PRKAG2: variants seen among roughly 807,000 people sequenced by gnomAD.
PRKAG2 encodes protein kinase AMP-activated non-catalytic subunit gamma 2, also known as 5'-AMP-activated protein kinase subunit gamma-2.
In PRKAG2, 26 loss-of-function variants were observed where a neutral mutation model predicts 69.6. That is an observed-to-expected ratio of 0.37 (90% CI 0.27 to 0.52). The LOEUF is 0.52. Among genes scored for constraint, PRKAG2 ranks in the 20% least tolerant of loss-of-function variants. The pLI, the probability that PRKAG2 is intolerant of heterozygous loss-of-function variation, is 0.90. For synonymous variants in PRKAG2, 293 were observed against 285.0 expected, an observed-to-expected ratio of 1.03 and a Z score of -0.28; for missense variants, 557 against 740.0, an observed-to-expected ratio of 0.75 and a Z score of 2.87.
rs1554501993 is a variant in PRKAG2 at position 151,624,180 on chromosome 7, A to AT, written c.754+7888dup. ...TGTGTGTGTGTGTACATATATATATATTTTTTTTTTCAGATAAGGTCTTGC... is the reference window on the plus strand; with the variant it reads ...TGTGTGTGTGTGTACATATATATATATTTTTTTTTTTCAGATAAGGTCTTGC... On this transcript the variant is annotated intron_variant, in intron 5 of 15. Transcript: ENST00000287878. Among the ~76,000 whole-genome samples the AT allele has an allele frequency of 3.5e-3, 459 of 129,882 alleles. 3 individuals carry two copies. Among genetic ancestry groups the AT allele is most frequent in the African/African-American group, 0.014 (439 of 31,550 alleles). The allele number at this position is 129,882 out of a possible 152,430, so 85.2% of individuals were successfully genotyped here. A position where few individuals can be genotyped will look rare whatever the true frequency, so the allele number is the denominator to read the frequency against.
At chr7:151,741,960 TGG>T (rs2073925089) in intron 3 of PRKAG2, among the ~76,000 whole-genome samples, 1 of 152,218 alleles carries the variant, frequency 6.6e-6, no homozygotes, top group Non-Finnish European at 1.5e-5. Flanking sequence ...ATATGCCAGC[TGG>T]GGTGCTGGTC....
intron 3 of PRKAG2, among the ~76,000 whole-genome samples, chr7:151,693,100 C>G (rs368697429): frequency 1.3e-5 from 2 of 152,252 alleles, no homozygotes; most frequent in African/African-American, 4.8e-5. Context: ...TTCCACCAGA[C>G]TCAGTCACCC....
intron 3 of PRKAG2, among the ~76,000 whole-genome samples, chr7:151,755,074 T>C (rs2074990462): frequency 6.6e-6 from 1 of 152,094 alleles, no homozygotes; most frequent in Non-Finnish European, 1.5e-5. Flanking sequence ...GAAGCCCGGA[T>C]GCCCCTTCAG....
At chr7:151,859,871 C>T (rs2079874183) in intron 1 of PRKAG2, among the ~76,000 whole-genome samples, 1 of 152,208 alleles carries the variant, frequency 6.6e-6, no homozygotes. Flanking sequence ...CAGTAGTCAT[C>T]TCAGGGTATC....
chr7:151,565,392 GA>G lies in PRKAG2; in HGVS notation c.1400-10del. 1 of 1,347,826 alleles carries G rather than the reference GA, an allele frequency of 7.4e-7. No individual in the cohort carries two copies. The highest frequency in any genetic ancestry group is 1.0e-6 in the Non-Finnish European group (1 of 967,110). The allele number at this position is 1,347,826 out of a possible 1,614,324, so 83.5% of individuals were successfully genotyped here. ...AATATCTACAACTTTTCCTAAAAAT[GA>G]AAAATATATGTTAGAAAAATGTCTT... is the stretch of plus-strand genomic sequence containing the variant. On this transcript the variant is annotated splice_polypyrimidine_tract_variant and intron_variant, in intron 12 of 15. Coordinates refer to ENST00000287878, the MANE Select transcript of PRKAG2 (RefSeq NM_016203.4).
At chr7:151,858,557 A>C (rs563984158) in intron 1 of PRKAG2, among the ~76,000 whole-genome samples, 5 of 152,096 alleles carry the variant, frequency 3.3e-5, no homozygotes, top group East Asian at 1.9e-4. Flanking sequence ...TCACCTGCCC[A>C]CACACACACA....
intron 5 of PRKAG2, among the ~76,000 whole-genome samples, chr7:151,623,995 TGCTA>T (rs1188897424): frequency 1.3e-5 from 2 of 152,242 alleles, no homozygotes; most frequent in Non-Finnish European, 1.5e-5. Context: ...AACAACTTAT[TGCTA>T]GCAACTTCCT....
chr7:151,837,928 C>T (rs1442966222), intron 1 of PRKAG2, among the ~76,000 whole-genome samples: 3 of 152,130 alleles, frequency 2.0e-5, no homozygotes, highest in Admixed American at 6.5e-5. Flanking sequence ...CTGTGGGCAG[C>T]GCTGGCTGGA....
Position 151,850,634 on chromosome 7 carries a change from G to A in PRKAG2, c.114+25873C>T, listed in dbSNP as rs935560331. Among the ~76,000 whole-genome samples, 7 of 152,120 alleles carry A rather than the reference G, an allele frequency of 4.6e-5. No individual in the cohort carries two copies. The highest frequency in any genetic ancestry group is 1.7e-4 in the African/African-American group (7 of 41,420). Reference sequence around the variant, plus strand: ...ATCCTCAAGTTCTACACTCCTTCCCGCCTGCCCCACCTCCATCGTCCTGTG... The same window carrying A: ...ATCCTCAAGTTCTACACTCCTTCCCACCTGCCCCACCTCCATCGTCCTGTG... On this transcript the variant is annotated intron_variant, in intron 1 of 15. Coordinates refer to ENST00000287878, the MANE Select transcript of PRKAG2 (RefSeq NM_016203.4). This position sits in a 1 kb window ranked among gnomAD's most constrained non-coding sequence, Gnocchi z 4.1.
chr7:151,565,858 T>C lies in PRKAG2; in HGVS notation c.1261A>G (p.Met421Val). The change falls in exon 12 of 16, where the codon ATG (methionine) becomes GTG (valine). Residue 421 changes from methionine (M) to valine (V), a missense_variant. Coordinates refer to ENST00000287878, the MANE Select transcript of PRKAG2 (RefSeq NM_016203.4). The part of the protein sequence containing the change: ...FMSDMPKPAF[M>V]KQNLDELGIG... ...CCAAGCTCATCCAGGTTCTGCTTCA[T>C]GAAGGCAGGCTTTGGCATATCAGAC... is the stretch of plus-strand genomic sequence containing the variant. 1 of 1,613,880 alleles carries C rather than the reference T, an allele frequency of 6.2e-7. No homozygotes were observed. Among genetic ancestry groups the C allele is most frequent in the Non-Finnish European group, 8.5e-7 (1 of 1,179,714 alleles).
At chr7:151,690,925 G>A (rs1835563026) in intron 3 of PRKAG2, among the ~76,000 whole-genome samples, 1 of 152,218 alleles carries the variant, frequency 6.6e-6, no homozygotes, top group Non-Finnish European at 1.5e-5. Flanking sequence ...GGGGCCTGGT[G>A]CACTGTCCCA....
rs1209569720 is a variant in PRKAG2, at chr7:151,781,519, C to G, written c.187-88G>C. The stretch of plus-strand genomic sequence containing the variant: ...TGTATGAAACTTATCATTGTCCTCT[C>G]TCACATGCGGGCCCCCCATAGTACC... On this transcript the variant is annotated intron_variant, in intron 2 of 15. Transcript: ENST00000287878. This position sits in a 1 kb window ranked among gnomAD's most constrained non-coding sequence, Gnocchi z 6.1. 8 of 1,466,610 alleles carry G rather than the reference C, an allele frequency of 5.5e-6. No homozygotes were observed. In the East Asian group the frequency reaches 7.4e-5, roughly 14 times the overall value. 90.8% of individuals were successfully genotyped at this position (1,466,610 alleles called of 1,614,324 possible).
intron 8 of PRKAG2, 47 bp from the exon 9 acceptor site, chr7:151,572,756 G>GA (rs767550698): frequency 1.7e-6 from 2 of 1,154,098 alleles, no homozygotes; most frequent in Non-Finnish European, 2.5e-6. Context: ...ATACAACATA[G>GA]AAAAAATATT....
chr7:151,868,121 A>G (rs2080124842), intron 1 of PRKAG2, among the ~76,000 whole-genome samples: 3 of 152,226 alleles, frequency 2.0e-5, no homozygotes, highest in Admixed American at 6.5e-5. Flanking sequence ...GACGCCCCAA[A>G]GCCTGGTGAT....
intron 3 of PRKAG2, among the ~76,000 whole-genome samples, chr7:151,695,028 G>A (rs1011425173): frequency 1.3e-5 from 2 of 152,230 alleles, no homozygotes; most frequent in African/African-American, 2.4e-5. Flanking sequence ...CCGGGACAAC[G>A]CCAGACATTC....
chr7:151,560,349 C>T (rs143169004), intron 15 of PRKAG2, 175 bp downstream of exon 15: 182 of 1,521,948 alleles, frequency 1.2e-4, no homozygotes, highest in Admixed American at 4.7e-4. Context: ...TCCTCACTCA[C>T]GCAGAACACT....
At chr7:151,827,770 A>AAAAAAC in intron 1 of PRKAG2, among the ~76,000 whole-genome samples, 1 of 149,890 alleles carries the variant, frequency 6.7e-6, no homozygotes, top group Non-Finnish European at 1.5e-5. Flanking sequence ...AAAAAAAAAA[A>AAAAAAC]AAAACTGCCT....
intron 1 of PRKAG2, among the ~76,000 whole-genome samples, chr7:151,848,351 G>A (rs1194154669): frequency 1.3e-5 from 2 of 152,054 alleles, no homozygotes; most frequent in African/African-American, 4.8e-5. Flanking sequence ...CACCTTGGAA[G>A]CAGAGACCAG....
At chr7:151,782,644 G>C (rs977000525) in intron 2 of PRKAG2, among the ~76,000 whole-genome samples, 1 of 152,118 alleles carries the variant, frequency 6.6e-6, no homozygotes. Flanking sequence ...TCTGGGTGCC[G>C]GTATTTGGCC....
Sources: gnomAD v4.1 joint callset for allele counts (sites outside exome capture counted in the v4.1 genomes callset) on GRCh38, gnomAD v4.1.1 for gene constraint, Gnocchi (gnomAD v3.1) non-coding constraint, MANE v1.5 for transcripts, NCBI Gene and HGNC (gene_info 2026-07-23, HGNC 2026-07-21) for gene names.